The following PTGES variants were observed in gnomAD, a reference collection of about 807,000 sequenced individuals.
PTGES encodes the protein MGST1-like 1.
In PTGES, 3 loss-of-function variants were observed where a neutral mutation model predicts 11.8. The observed-to-expected ratio is 0.25, with a 90% CI of 0.12 to 0.66. PTGES has a LOEUF of 0.66. Among genes scored for constraint, PTGES ranks in the 30% least tolerant of loss-of-function variants. The probability of loss-of-function intolerance (pLI) is 0.82; values close to 1 mark genes in which losing one functional copy is unlikely to be tolerated. For missense variants in PTGES, 180 were observed against 213.0 expected, an observed-to-expected ratio of 0.85 and a Z score of 0.96; for synonymous variants, 94 against 90.4, an observed-to-expected ratio of 1.04 and a Z score of -0.22.
At chr9:129,740,153 G>T (rs1033625079) in intron 2 of PTGES, among the ~76,000 whole-genome samples, 1 of 151,968 alleles carries the variant, frequency 6.6e-6, no homozygotes, top group Non-Finnish European at 1.5e-5. Context: ...GGCTTGCCGG[G>T]ACCCCACTCC....
intron 2 of PTGES, among the ~76,000 whole-genome samples, chr9:129,743,011 A>T (rs1411317323): frequency 6.6e-6 from 1 of 152,224 alleles, no homozygotes; most frequent in Non-Finnish European, 1.5e-5. Context: ...GAGGAACAAG[A>T]CGGGAAGTTC....
rs1166242298 is a variant in PTGES at position 129,748,693 on chromosome 9, C to T, written c.171G>A (p.Gln57=). The part of the protein sequence containing the change: ...PEDALRHGGP[Q]YCRSDPDVER... ...CCACGTCGGGGTCGCTCCTGCAATA[C>T]TGGGGGCCTCCGTGTCTCAGGGCAT... The change falls in exon 2 of 3, where the codon CAG becomes CAA. Residue 57 remains glutamine (Q), a synonymous_variant. Transcript: ENST00000340607. The T allele has an allele frequency of 1.3e-6, 2 of 1,587,218 alleles. No individual in the cohort carries two copies. The highest frequency in any genetic ancestry group is 2.8e-5 in the African/African-American group (2 of 72,690).
intron 1 of PTGES, among the ~76,000 whole-genome samples, chr9:129,751,564 A>G (rs1470471756): frequency 6.6e-6 from 1 of 151,962 alleles, no homozygotes; most frequent in Non-Finnish European, 1.5e-5. Context: ...CTGTAATGCC[A>G]GCTACCGGGG....
At chr9:129,750,030 G>A (rs1833088087) in intron 1 of PTGES, among the ~76,000 whole-genome samples, 1 of 152,216 alleles carries the variant, frequency 6.6e-6, no homozygotes, top group South Asian at 2.1e-4. Flanking sequence ...TGACGAGTGA[G>A]AGGGAGACCT....
chr9:129,751,179 T>A (rs981110801), intron 1 of PTGES, among the ~76,000 whole-genome samples: 6 of 150,982 alleles, frequency 4.0e-5, no homozygotes, highest in African/African-American at 1.5e-4. Flanking sequence ...CATAAAAAAT[T>A]AGGAGCAGTG....
intron 1 of PTGES, among the ~76,000 whole-genome samples, chr9:129,752,293 G>A (rs893173017): frequency 6.6e-6 from 1 of 152,218 alleles, no homozygotes; most frequent in Non-Finnish European, 1.5e-5. Context: ...TCGCCAACCA[G>A]TGTGACGGAC....
chr9:129,747,458 CA>C (rs1397902131), intron 2 of PTGES, among the ~76,000 whole-genome samples: 1 of 152,066 alleles, frequency 6.6e-6, no homozygotes, highest in African/African-American at 2.4e-5. Context: ...TGAGGAAATT[CA>C]TTTTAATTGA....
intron 2 of PTGES, among the ~76,000 whole-genome samples, chr9:129,744,451 TG>T: frequency 6.6e-6 from 1 of 151,880 alleles, no homozygotes; most frequent in East Asian, 1.9e-4. Flanking sequence ...GGCACGTGTC[TG>T]TGGTCCCAGC....
At position 129,741,022 on chromosome 9, in the gene PTGES, G is replaced by A. The variant is rs557753974; in HGVS notation, c.210-1162C>T. 2.3e-4 allele frequency among the ~76,000 whole-genome samples: 35 copies of A among 152,310 alleles called. 1 individual carries two copies. The highest frequency in any genetic ancestry group is 1.5e-3 in the Admixed American group (23 of 15,298). On this transcript the variant is annotated intron_variant, in intron 2 of 2. Transcript: ENST00000340607. ...TCCTCTTCCCTCTCACTGGCAAGACGATTCTTGGGCCAGTGCGATGGTGTG... is the reference window on the plus strand; with the variant it reads ...TCCTCTTCCCTCTCACTGGCAAGACAATTCTTGGGCCAGTGCGATGGTGTG...
chr9:129,743,068 G>C (rs956411372), intron 2 of PTGES, among the ~76,000 whole-genome samples: 6 of 152,222 alleles, frequency 3.9e-5, no homozygotes, highest in Non-Finnish European at 7.3e-5. Flanking sequence ...GCAGGCTGGG[G>C]AGGAGCAGGC....
intron 1 of PTGES, among the ~76,000 whole-genome samples, chr9:129,750,069 C>T (rs898658422): frequency 1.3e-5 from 2 of 152,188 alleles, no homozygotes; most frequent in African/African-American, 4.8e-5. Context: ...ATGCCCAGCA[C>T]AAGGAGGTGC....
chr9:129,740,174 T>C (rs1832982222), intron 2 of PTGES, among the ~76,000 whole-genome samples: 1 of 151,862 alleles, frequency 6.6e-6, no homozygotes, highest in Non-Finnish European at 1.5e-5. Context: ...TGCCATACTC[T>C]CCCCCACCTT....
In PTGES at chr9:129,750,393, C is replaced by G. The variant is rs191278046; in HGVS notation, c.127-1656G>C. 1.4e-4 allele frequency among the ~76,000 whole-genome samples: 21 copies of G among 152,342 alleles called. No individual in the cohort carries two copies. The East Asian group carries it at 4.1e-3, about 29-fold the overall frequency. On this transcript the variant is annotated intron_variant, in intron 1 of 2. Transcript: ENST00000340607. ...TGGAACCTTCACACCCAAAATTCCT[C>G]TCTGCTGGCCCTGAAATCAGTGAAT...
intron 2 of PTGES, among the ~76,000 whole-genome samples, chr9:129,743,356 T>G (rs920521515): frequency 6.6e-6 from 1 of 152,118 alleles, no homozygotes; most frequent in East Asian, 1.9e-4. Context: ...CCGAGAGACA[T>G]GGAGGCAGGC....
At position 129,748,671 on chromosome 9, in the gene PTGES, C is replaced by T. The variant is rs773663782; in HGVS notation, c.193G>A (p.Val65Met). 14 of 1,579,210 alleles carry T rather than the reference C, an allele frequency of 8.9e-6. No individual in the cohort carries two copies. Among genetic ancestry groups the T allele is most frequent in the African/African-American group, 1.4e-5 (1 of 72,084 alleles). Residue 65 changes from valine (V) to methionine (M), a missense_variant, in exon 2 of 3, where the codon GTG becomes ATG. Coordinates refer to ENST00000340607, the MANE Select transcript of PTGES (RefSeq NM_004878.5). ...GPQYCRSDPDVERCLRAHRND... is the reference protein window; with the variant it reads ...GPQYCRSDPDMERCLRAHRND... ...AGTACTTGCCTGAGGCAGCGTTCCACGTCGGGGTCGCTCCTGCAATACTGG... is the reference window on the plus strand; with the variant it reads ...AGTACTTGCCTGAGGCAGCGTTCCATGTCGGGGTCGCTCCTGCAATACTGG...
At chr9:129,741,153 A>C (rs12004095) in intron 2 of PTGES, among the ~76,000 whole-genome samples, 14,245 of 152,246 alleles carry the variant, frequency 0.094, 743 homozygotes, top group East Asian at 0.21. Flanking sequence ...AAGGAGACAT[A>C]TGTGCAGAAG....
Position 129,739,170 on chromosome 9 carries a change from A to G in PTGES, c.*441T>C, listed in dbSNP as rs144305400. 163 of 164,744 alleles carry G rather than the reference A, an allele frequency of 9.9e-4. 1 individual carries two copies. Among genetic ancestry groups the G allele is most frequent in the Middle Eastern group, 9.4e-3 (3 of 318 alleles). 10.2% of individuals were successfully genotyped at this position (164,744 alleles called of 1,614,324 possible). On this transcript the variant is annotated 3_prime_UTR_variant, in exon 3 of 3. Coordinates refer to ENST00000340607, the MANE Select transcript of PTGES (RefSeq NM_004878.5). The surrounding 1 kb of genome is among the most constrained non-coding windows in gnomAD (Gnocchi z 5.7). Reference sequence around the variant, plus strand: ...TACAGATGGCCAGGCTTGCCTCTAGATTGGCTGGGCCAGAATTTCTGGGGT... The same window carrying G: ...TACAGATGGCCAGGCTTGCCTCTAGGTTGGCTGGGCCAGAATTTCTGGGGT...
rs1417222378 is a variant in PTGES at position 129,745,420 on chromosome 9, C to T, written c.209+3235G>A. 6.6e-6 allele frequency among the ~76,000 whole-genome samples: 1 copy of T among 152,234 alleles called. No homozygotes were observed. The highest frequency in any genetic ancestry group is 1.5e-5 in the Non-Finnish European group (1 of 68,042). On this transcript the variant is annotated intron_variant, in intron 2 of 2. Coordinates refer to ENST00000340607, the MANE Select transcript of PTGES (RefSeq NM_004878.5). The surrounding 1 kb of genome is among the most constrained non-coding windows in gnomAD (Gnocchi z 4.2). ...AGGGTGACTCGAATCATACCATAAACCCTGGTCTAATATTTAACCAACTTT... is the reference window on the plus strand; with the variant it reads ...AGGGTGACTCGAATCATACCATAAATCCTGGTCTAATATTTAACCAACTTT...
chr9:129,749,004 T>C (rs987335851), intron 1 of PTGES, among the ~76,000 whole-genome samples: 3 of 152,316 alleles, frequency 2.0e-5, no homozygotes, highest in East Asian at 3.9e-4. Flanking sequence ...TCTCACCTGT[T>C]AAGAAGAAGG....
Sources: gnomAD v4.1 joint callset for allele counts (sites outside exome capture counted in the v4.1 genomes callset) on GRCh38, gnomAD v4.1.1 for gene constraint, Gnocchi (gnomAD v3.1) non-coding constraint, MANE v1.5 for transcripts, NCBI Gene and HGNC (gene_info 2026-07-23, HGNC 2026-07-21) for gene names.